The following GABRB2 variants were observed in gnomAD, a reference collection of about 807,000 sequenced individuals.
GABRB2 encodes gamma-aminobutyric acid receptor subunit beta-2.
A neutral mutation model predicts 54.7 loss-of-function variants in GABRB2; 16 were observed. The observed-to-expected ratio is 0.29, with a 90% CI of 0.20 to 0.44. The LOEUF is 0.44. Among genes scored for constraint, GABRB2 ranks in the 20% least tolerant of loss-of-function variants. GABRB2 has a pLI of 1.00. For missense variants in GABRB2, 355 were observed against 644.0 expected (o/e 0.55, Z 4.86); for synonymous variants, 244 against 233.8 (o/e 1.04, Z -0.40).
Position 161,447,639 on chromosome 5 carries a change from G to C in GABRB2, c.458+11985C>G, listed in dbSNP as rs568768094. ...TTTGAGTCATTAACCTATTACACCG[G>C]TTTGGTTTTTCAAGGAAAAGCTTGC... is the stretch of plus-strand genomic sequence containing the variant. On this transcript the variant is annotated intron_variant, in intron 4 of 9. Coordinates refer to ENST00000393959, the MANE Select transcript of GABRB2 (RefSeq NM_001371727.1). 2.6e-5 allele frequency among the ~76,000 whole-genome samples: 4 copies of C among 152,230 alleles called. No homozygotes were observed. The South Asian group carries it at 8.3e-4, about 32-fold the overall frequency.
At position 161,390,691 on chromosome 5, in the gene GABRB2, T is replaced by C. The variant is rs370062341; in HGVS notation, c.541+20284A>G. Among the ~76,000 whole-genome samples, 6 of 152,226 alleles carry C rather than the reference T, an allele frequency of 3.9e-5. No homozygotes were observed. The East Asian group carries it at 9.6e-4, about 24-fold the overall frequency. On this transcript the variant is annotated intron_variant, in intron 5 of 9. Coordinates refer to ENST00000393959, the MANE Select transcript of GABRB2 (RefSeq NM_001371727.1). ...CTGTAAACCTCAAGTTATTTCAAAA[T>C]TTTAAAAAATTTAAAAAAATAGGTG...
intron 5 of GABRB2, among the ~76,000 whole-genome samples, chr5:161,409,550 T>A (rs1325710918): frequency 1.3e-5 from 2 of 152,100 alleles, no homozygotes; most frequent in Non-Finnish European, 2.9e-5. Flanking sequence ...ACAACTGTGA[T>A]TATTTGATAT....
At chr5:161,438,855 AG>A (rs1281103653) in intron 4 of GABRB2, among the ~76,000 whole-genome samples, 1 of 152,192 alleles carries the variant, frequency 6.6e-6, no homozygotes, top group African/African-American at 2.4e-5. Context: ...ACATAATCAG[AG>A]GGGACAAAAG....
intron 5 of GABRB2, among the ~76,000 whole-genome samples, chr5:161,363,677 G>T (rs72813526): frequency 0.014 from 2,076 of 152,210 alleles, 23 homozygotes; most frequent in Non-Finnish European, 0.019. Flanking sequence ...ACTCCAGCCT[G>T]TGCCACAGAG....
intron 5 of GABRB2, among the ~76,000 whole-genome samples, chr5:161,378,131 A>C (rs1303993302): frequency 6.6e-6 from 1 of 152,068 alleles, no homozygotes; most frequent in Non-Finnish European, 1.5e-5. Context: ...CTAAACATTT[A>C]AGACAATAGG....
chr5:161,489,261 C>T (rs958391524), intron 3 of GABRB2, among the ~76,000 whole-genome samples: 23 of 151,544 alleles, frequency 1.5e-4, no homozygotes, highest in Admixed American at 1.1e-3. Flanking sequence ...TAGAATGACC[C>T]TTATATTTAT....
intron 3 of GABRB2, among the ~76,000 whole-genome samples, chr5:161,536,090 G>A (rs542225417): frequency 1.3e-5 from 2 of 152,206 alleles, no homozygotes; most frequent in Non-Finnish European, 2.9e-5. Flanking sequence ...TCTAGCCACC[G>A]GAATAGTGAA....
intron 5 of GABRB2, among the ~76,000 whole-genome samples, chr5:161,408,275 T>C (rs1285381590): frequency 6.6e-6 from 1 of 152,058 alleles, no homozygotes; most frequent in Non-Finnish European, 1.5e-5. Context: ...TACTTACAAA[T>C]ATATTGCAAA....
chr5:161,490,213 C>G (rs1759058537), intron 3 of GABRB2, among the ~76,000 whole-genome samples: 1 of 151,658 alleles, frequency 6.6e-6, no homozygotes, highest in Admixed American at 6.6e-5. Flanking sequence ...GTTACACATG[C>G]CATGTCTAAA....
At chr5:161,307,413 G>T (rs1426675979) in intron 9 of GABRB2, among the ~76,000 whole-genome samples, 1 of 152,198 alleles carries the variant, frequency 6.6e-6, no homozygotes, top group Non-Finnish European at 1.5e-5. Flanking sequence ...ATCACATTTT[G>T]TAGATGGTCT....
rs542763459 is a variant in GABRB2, at chr5:161,464,229, T to C, written c.238-4385A>G. On this transcript the variant is annotated intron_variant, in intron 3 of 9. Coordinates refer to ENST00000393959, the MANE Select transcript of GABRB2 (RefSeq NM_001371727.1). ...GACAAACAACTTATATCCATAAATA[T>C]AAGCATATAATAATTCTCAAAATTC... is the stretch of plus-strand genomic sequence containing the variant. 1.9e-4 allele frequency among the ~76,000 whole-genome samples: 29 copies of C among 152,138 alleles called. No individual in the cohort carries two copies. In the South Asian group the frequency reaches 5.8e-3, roughly 30 times the overall value.
At chr5:161,435,575 A>C (rs1291885834) in intron 4 of GABRB2, among the ~76,000 whole-genome samples, 2 of 152,198 alleles carry the variant, frequency 1.3e-5, no homozygotes, top group African/African-American at 4.8e-5. Context: ...TGTGTTATTT[A>C]GGTAACCAGA....
intron 8 of GABRB2, chr5:161,330,344 T>G (rs1281736940): frequency 1.3e-5 from 2 of 152,466 alleles, no homozygotes; most frequent in Non-Finnish European, 2.9e-5. Context: ...TTCTGATCGC[T>G]TCAAAGAAAA....
At chr5:161,519,746 C>G (rs1461266875) in intron 3 of GABRB2, among the ~76,000 whole-genome samples, 1 of 151,966 alleles carries the variant, frequency 6.6e-6, no homozygotes, top group Non-Finnish European at 1.5e-5. Context: ...TCGATACCAT[C>G]CCAATTTAAG....
At chr5:161,515,519 T>C (rs546133090) in intron 3 of GABRB2, among the ~76,000 whole-genome samples, 22 of 152,260 alleles carry the variant, frequency 1.4e-4, no homozygotes, top group African/African-American at 4.3e-4. Context: ...AAAAAAAGGA[T>C]GTTTAAGGTC....
chr5:161,431,450 G>T (rs185521371), intron 4 of GABRB2, among the ~76,000 whole-genome samples: 2 of 152,240 alleles, frequency 1.3e-5, no homozygotes, highest in African/African-American at 4.8e-5. Context: ...CATGTATGAT[G>T]ATGTTTTCTA....
At chr5:161,440,166 G>A (rs968416969) in intron 4 of GABRB2, among the ~76,000 whole-genome samples, 6 of 150,888 alleles carry the variant, frequency 4.0e-5, no homozygotes, top group African/African-American at 1.5e-4. Context: ...AAGGGAGACA[G>A]GAAGGAAAGA....
At chr5:161,302,095 T>C (rs931652274) in intron 9 of GABRB2, among the ~76,000 whole-genome samples, 1 of 152,220 alleles carries the variant, frequency 6.6e-6, no homozygotes, top group African/African-American at 2.4e-5. Context: ...GGGCAGTTTG[T>C]ATAGCAACTG....
Position 161,474,521 on chromosome 5 carries a change from C to T in GABRB2, c.238-14677G>A, listed in dbSNP as rs932928341. On this transcript the variant is annotated intron_variant, in intron 3 of 9. Coordinates refer to ENST00000393959, the MANE Select transcript of GABRB2 (RefSeq NM_001371727.1). ...AATGCTTCAGAATCATTGCTATTTT[C>T]AGAAACACAACATTGTATATATACA... is the stretch of plus-strand genomic sequence containing the variant. Among the ~76,000 whole-genome samples the T allele has an allele frequency of 1.2e-4, 19 of 152,010 alleles. No individual in the cohort carries two copies. The South Asian group carries it at 1.5e-3, about 12-fold the overall frequency.
Sources: gnomAD v4.1 joint callset for allele counts (sites outside exome capture counted in the v4.1 genomes callset) on GRCh38, gnomAD v4.1.1 for gene constraint, MANE v1.5 for transcripts, NCBI Gene and HGNC (gene_info 2026-07-23, HGNC 2026-07-21) for gene names.